SLC39A11: variants seen among roughly 807,000 people sequenced by gnomAD.
The protein encoded by SLC39A11 is solute carrier family 39 member 11.
Under a neutral mutation model 36.1 loss-of-function variants are expected in SLC39A11, and 33 were observed. That is an observed-to-expected ratio of 0.91 (90% CI 0.69 to 1.22). The LOEUF is 1.22. Ranked by LOEUF, SLC39A11 falls within the 50% of genes most tolerant of loss-of-function variation. The probability of loss-of-function intolerance (pLI) is 0.00; values close to 1 mark genes in which losing one functional copy is unlikely to be tolerated. For synonymous variants in SLC39A11, 166 were observed against 170.3 expected, an observed-to-expected ratio of 0.97 and a Z score of 0.20; for missense variants, 432 against 430.3, an observed-to-expected ratio of 1.00 and a Z score of -0.03.
intron 3 of SLC39A11, among the ~76,000 whole-genome samples, chr17:73,042,283 C>T (rs974262449): frequency 3.3e-5 from 5 of 152,202 alleles, no homozygotes; most frequent in African/African-American, 1.2e-4. Flanking sequence ...ACATAGCTCA[C>T]TTACAATGCA....
intron 5 of SLC39A11, among the ~76,000 whole-genome samples, chr17:72,924,162 A>ATTTC (rs1555634341): frequency 3.3e-5 from 4 of 120,544 alleles, no homozygotes; most frequent in Non-Finnish European, 6.4e-5. Context: ...AAAAAAAAAA[A>ATTTC]TTTTTTTTTT....
intron 6 of SLC39A11, among the ~76,000 whole-genome samples, chr17:72,779,251 C>T (rs962484083): frequency 5.3e-5 from 8 of 152,044 alleles, no homozygotes; most frequent in Non-Finnish European, 1.0e-4. Flanking sequence ...CGAGACCAGC[C>T]TGGCCAACAT....
intron 6 of SLC39A11, among the ~76,000 whole-genome samples, chr17:72,829,220 C>A (rs1032999357): frequency 1.3e-5 from 2 of 152,028 alleles, no homozygotes; most frequent in Non-Finnish European, 2.9e-5. Context: ...TTGCTGGGCA[C>A]ACCTGTGGTC....
chr17:72,898,502 G>A (rs1404757015), intron 5 of SLC39A11, among the ~76,000 whole-genome samples: 1 of 152,118 alleles, frequency 6.6e-6, no homozygotes, highest in Non-Finnish European at 1.5e-5. Flanking sequence ...GAATCTTAGT[G>A]AAACAAATGG....
intron 3 of SLC39A11, among the ~76,000 whole-genome samples, chr17:73,082,780 T>C (rs578101356): frequency 2.0e-5 from 3 of 151,774 alleles, no homozygotes; most frequent in Admixed American, 1.3e-4. Flanking sequence ...GAAGGCCGAG[T>C]TGGGTAGACC....
intron 6 of SLC39A11, among the ~76,000 whole-genome samples, chr17:72,803,969 G>A (rs1181929975): frequency 7.3e-6 from 1 of 137,490 alleles, no homozygotes; most frequent in African/African-American, 2.8e-5. Flanking sequence ...TGTTAAACCT[G>A]TTTCTACGTT....
chr17:72,925,412 AG>A (rs1366439002), intron 5 of SLC39A11, among the ~76,000 whole-genome samples: 1 of 152,200 alleles, frequency 6.6e-6, no homozygotes, highest in African/African-American at 2.4e-5. Context: ...TATGACCAGG[AG>A]GGAAGACTGT....
chr17:72,811,162 G>A (rs1405230297), intron 6 of SLC39A11, among the ~76,000 whole-genome samples: 1 of 152,158 alleles, frequency 6.6e-6, no homozygotes, highest in African/African-American at 2.4e-5. Context: ...TTGAGGCTGG[G>A]AAGTCCAAAT....
chr17:73,014,203 C>T (rs572593286), intron 4 of SLC39A11, among the ~76,000 whole-genome samples: 4 of 152,178 alleles, frequency 2.6e-5, no homozygotes, highest in Non-Finnish European at 5.9e-5. Flanking sequence ...CACACTACCC[C>T]GTCCTGAAGT....
At chr17:72,984,281 G>C (rs12603957) in intron 4 of SLC39A11, among the ~76,000 whole-genome samples, 46,599 of 151,658 alleles carry the variant, frequency 0.31, 7,773 homozygotes, top group East Asian at 0.63. Context: ...GCCACCCCAG[G>C]ATGGGCACAG....
At chr17:72,776,809 C>G (rs2163515) in intron 6 of SLC39A11, among the ~76,000 whole-genome samples, 35,543 of 151,928 alleles carry the variant, frequency 0.23, 6,638 homozygotes, top group African/African-American at 0.52. Context: ...GTGGTTTGGA[C>G]AGCTGAAGTC....
chr17:72,821,238 C>T (rs904950046), intron 6 of SLC39A11, among the ~76,000 whole-genome samples: 3 of 150,604 alleles, frequency 2.0e-5, no homozygotes, highest in Non-Finnish European at 4.5e-5. Context: ...CACAGTGGCT[C>T]AGGCCTGTAA....
chr17:73,035,424 G>A (rs767100024), intron 3 of SLC39A11, among the ~76,000 whole-genome samples: 2 of 152,196 alleles, frequency 1.3e-5, no homozygotes, highest in South Asian at 2.1e-4. Context: ...ACAGGTGTGA[G>A]CCACCGCACC....
chr17:72,787,811 C>G (rs1226281665), intron 6 of SLC39A11, among the ~76,000 whole-genome samples: 1 of 152,182 alleles, frequency 6.6e-6, no homozygotes, highest in Non-Finnish European at 1.5e-5. Flanking sequence ...CTGATACATT[C>G]TGTTTCCTCC....
chr17:73,040,988 A>AAAAAACAAAAAACAAAAAAAAAC (rs143631644), intron 3 of SLC39A11, among the ~76,000 whole-genome samples: 2 of 132,172 alleles, frequency 1.5e-5, no homozygotes, highest in Non-Finnish European at 3.1e-5. Context: ...CCATCTCAAA[A>AAAAAACAAAAAACAAAAAAAAAC]AAAAAACAAA....
chr17:72,694,878 T>G (rs1475869906), intron 7 of SLC39A11, among the ~76,000 whole-genome samples: 2 of 152,184 alleles, frequency 1.3e-5, no homozygotes, highest in Non-Finnish European at 2.9e-5. Flanking sequence ...TGGACATCCA[T>G]TACGATATTT....
At chr17:72,955,469 A>ATT (rs57079729) in intron 4 of SLC39A11, among the ~76,000 whole-genome samples, 2,010 of 128,654 alleles carry the variant, frequency 0.016, 33 homozygotes, top group South Asian at 0.041. Flanking sequence ...CGTCTGGCTA[A>ATT]TTTTTTTTTT....
At chr17:73,092,561 C>T (rs2060962201) in intron 1 of SLC39A11, 50 bp downstream of exon 1, 2 of 152,910 alleles carry the variant, frequency 1.3e-5, no homozygotes, top group Non-Finnish European at 2.9e-5. Context: ...CCTCCGACCC[C>T]GGGCCTCGAG....
chr17:73,042,966 G>A (rs2059157681), intron 3 of SLC39A11, among the ~76,000 whole-genome samples: 1 of 152,170 alleles, frequency 6.6e-6, no homozygotes, highest in African/African-American at 2.4e-5. Context: ...CAGACCCCAG[G>A]GGGTTGCAAG....
Sources: allele counts gnomAD v4.1 joint callset (sites outside exome capture counted in the v4.1 genomes callset), GRCh38; gene constraint gnomAD v4.1.1; transcripts MANE v1.5; gene names NCBI Gene and HGNC (gene_info 2026-07-23, HGNC 2026-07-21).